DMD: variants seen among roughly 807,000 people sequenced by gnomAD.
DMD encodes dystrophin, also known as mutant dystrophin.
A neutral mutation model predicts 330.1 loss-of-function variants in DMD; 63 were observed. The observed-to-expected ratio is 0.19, with a 90% confidence interval of 0.16 to 0.24. The LOEUF (loss-of-function observed/expected upper bound fraction) is 0.24, where lower values mean the gene tolerates loss of function less well. DMD is among the 10% of genes least tolerant of loss of function. The pLI, the probability that DMD is intolerant of heterozygous loss-of-function variation, is 1.00. For missense variants in DMD, 3,344 were observed against 2,684.1 expected, an observed-to-expected ratio of 1.25 and a Z score of -5.43; for synonymous variants, 1,223 against 959.8, an observed-to-expected ratio of 1.27 and a Z score of -5.07.
intron 44 of DMD, among the ~76,000 whole-genome samples, chrX:32,053,144 T>C (rs1026314087): frequency 1.8e-5 from 2 of 111,495 alleles, no homozygotes; most frequent in Non-Finnish European, 1.9e-5. Context: ...GAAGGTGTAA[T>C]AGTTAGGTCA....
chrX:32,643,319 T>G (rs899853763), intron 11 of DMD, among the ~76,000 whole-genome samples: 1 of 109,390 alleles, frequency 9.1e-6, no homozygotes, highest in Non-Finnish European at 1.9e-5. Context: ...CTAGCATATC[T>G]AATGAGTTTC....
chrX:32,681,521 C>T (rs1422384666), intron 9 of DMD, among the ~76,000 whole-genome samples: 5 of 111,684 alleles, frequency 4.5e-5, no homozygotes, highest in Non-Finnish European at 7.5e-5. Flanking sequence ...TAAAACTGTG[C>T]TGCAGCAGGG....
chrX:32,795,217 G>C (rs369074265), intron 7 of DMD, among the ~76,000 whole-genome samples: 2 of 112,056 alleles, frequency 1.8e-5, no homozygotes, highest in East Asian at 2.8e-4. Flanking sequence ...AAAGAACAAA[G>C]ACTTATGAAT....
chrX:32,904,536 T>C (rs2086571202), intron 2 of DMD, among the ~76,000 whole-genome samples: 1 of 112,134 alleles, frequency 8.9e-6, no homozygotes, highest in South Asian at 3.7e-4. Flanking sequence ...GACATTAGCA[T>C]CAAAGCAGTA....
chrX:32,125,190 A>AG (rs1328885590), intron 44 of DMD, among the ~76,000 whole-genome samples: 1 of 110,997 alleles, frequency 9.0e-6, no homozygotes, highest in African/African-American at 3.3e-5. Flanking sequence ...TCTGGTGGGT[A>AG]GGGGGGTTAC....
Position 32,574,497 on chromosome X carries a change from C to A in DMD, c.1603-651G>T, listed in dbSNP as rs765233532. On this transcript the variant is annotated intron_variant, in intron 13 of 78. Transcript: ENST00000357033. ...ACACTATTTTAATATGTAACATAAA[C>A]CAACTATCAATGATTTTTGGAAGGA... is the stretch of plus-strand genomic sequence containing the variant. Among the ~76,000 whole-genome samples the A allele has an allele frequency of 3.6e-5, 4 of 111,756 alleles. No homozygotes were observed. The South Asian group carries it at 1.5e-3, about 42-fold the overall frequency.
chrX:32,743,616 A>G (rs1237161308), intron 7 of DMD, among the ~76,000 whole-genome samples: 1 of 111,082 alleles, frequency 9.0e-6, no homozygotes, highest in Non-Finnish European at 1.9e-5. Context: ...CTGAATGCCA[A>G]GAAAAGTGAC....
chrX:32,007,757 C>T (rs1052120405), intron 44 of DMD, among the ~76,000 whole-genome samples: 2 of 110,689 alleles, frequency 1.8e-5, no homozygotes, highest in Admixed American at 9.7e-5. Flanking sequence ...TGTCTAGTCA[C>T]GCATTATAAA....
intron 55 of DMD, among the ~76,000 whole-genome samples, chrX:31,517,876 A>G (rs2072375039): frequency 9.2e-6 from 1 of 109,256 alleles, no homozygotes; most frequent in African/African-American, 3.3e-5. Flanking sequence ...TTAAAGTTCT[A>G]TTTCTCAAGG....
intron 2 of DMD, among the ~76,000 whole-genome samples, chrX:32,852,303 G>C (rs930647442): frequency 6.3e-5 from 7 of 111,405 alleles, no homozygotes; most frequent in African/African-American, 2.0e-4. Flanking sequence ...AAGGGAACTT[G>C]CTACCTTGAA....
chrX:32,219,448 T>A (rs950444953), intron 43 of DMD, among the ~76,000 whole-genome samples: 1 of 112,272 alleles, frequency 8.9e-6, no homozygotes, highest in Non-Finnish European at 1.9e-5. Flanking sequence ...TATTTTCTTA[T>A]ATAATTTTTC....
At chrX:32,870,316 C>A (rs2082850115) in intron 2 of DMD, among the ~76,000 whole-genome samples, 1 of 111,710 alleles carries the variant, frequency 9.0e-6, no homozygotes, top group Non-Finnish European at 1.9e-5. Context: ...ACATTCCATG[C>A]TCATGGATAG....
At chrX:32,413,522 G>C (rs1020044102) in intron 29 of DMD, among the ~76,000 whole-genome samples, 1 of 108,571 alleles carries the variant, frequency 9.2e-6, no homozygotes, top group African/African-American at 3.4e-5. Flanking sequence ...TCTCTCCATT[G>C]TCTTTACTCT....
intron 2 of DMD, among the ~76,000 whole-genome samples, chrX:33,000,179 A>G (rs1195425947): frequency 1.8e-5 from 2 of 111,797 alleles, no homozygotes; most frequent in Non-Finnish European, 3.8e-5. Context: ...TATACTAAAC[A>G]TACTTTAGTT....
chrX:31,314,779 A>AGAGAGAGAGAGAGAGAGTGT (rs1225831523), intron 62 of DMD, among the ~76,000 whole-genome samples: 40 of 93,440 alleles, frequency 4.3e-4, no homozygotes, highest in Middle Eastern at 5.9e-3. Context: ...AGAGAGAGAG[A>AGAGAGAGAGAGAGAGAGTGT]GTGTTTTACC....
chrX:33,140,758 C>A (rs747387129), intron 1 of DMD, among the ~76,000 whole-genome samples: 2 of 112,238 alleles, frequency 1.8e-5, no homozygotes, highest in African/African-American at 6.5e-5. Flanking sequence ...CAGACACTTT[C>A]CCCTGTATAA....
chrX:31,413,387 T>A (rs1483214999), intron 60 of DMD, among the ~76,000 whole-genome samples: 1 of 112,702 alleles, frequency 8.9e-6, no homozygotes, highest in Non-Finnish European at 1.9e-5. Flanking sequence ...TGTTAAATTT[T>A]ATTTTAATTT....
At chrX:32,289,180 A>T (rs2097456039) in intron 42 of DMD, among the ~76,000 whole-genome samples, 1 of 111,317 alleles carries the variant, frequency 9.0e-6, no homozygotes, top group African/African-American at 3.3e-5. Context: ...AAACTTACTA[A>T]TCTTCCAGAT....
intron 55 of DMD, among the ~76,000 whole-genome samples, chrX:31,558,021 G>A (rs769479620): frequency 1.8e-5 from 2 of 111,752 alleles, no homozygotes; most frequent in South Asian, 7.5e-4. Flanking sequence ...GAGGCATACT[G>A]TTTGATTTAC....
Sources: allele counts gnomAD v4.1 joint callset (sites outside exome capture counted in the v4.1 genomes callset), GRCh38; gene constraint gnomAD v4.1.1; transcripts MANE v1.5; gene names NCBI Gene and HGNC (gene_info 2026-07-23, HGNC 2026-07-21).